HS3ST4: variants seen among roughly 807,000 people sequenced by gnomAD.
HS3ST4 encodes heparan sulfate-glucosamine 3-sulfotransferase 4, also known as heparan sulfate glucosamine 3-O-sulfotransferase 4.
In HS3ST4, 17 loss-of-function variants were observed where a neutral mutation model predicts 29.2. The observed-to-expected ratio is 0.58, with a 90% confidence interval of 0.40 to 0.87. The LOEUF is 0.87. HS3ST4 is among the 40% of genes least tolerant of loss of function. The pLI is 0.00. For missense variants in HS3ST4, 627 were observed against 634.5 expected (o/e 0.99, Z 0.13); for synonymous variants, 314 against 285.7 (o/e 1.10, Z -1.00).
intron 1 of HS3ST4, among the ~76,000 whole-genome samples, chr16:26,113,214 A>G (rs116405942): frequency 0.012 from 1,875 of 152,294 alleles, 37 homozygotes; most frequent in African/African-American, 0.042. Context: ...ATTAAACAAT[A>G]TGTTGAGAAA....
chr16:25,883,042 T>A (rs1005025358), intron 1 of HS3ST4, among the ~76,000 whole-genome samples: 1 of 152,092 alleles, frequency 6.6e-6, no homozygotes, highest in Non-Finnish European at 1.5e-5. Context: ...CTCTCTGTAT[T>A]TTTATTATTA....
At chr16:25,894,805 G>A (rs1968043530) in intron 1 of HS3ST4, among the ~76,000 whole-genome samples, 1 of 152,034 alleles carries the variant, frequency 6.6e-6, no homozygotes, top group African/African-American at 2.4e-5. Flanking sequence ...CGTGCCTGGT[G>A]GCCTCTTTTT....
In HS3ST4 at chr16:26,043,326, C is replaced by T. The variant is rs911571409; in HGVS notation, c.735-92286C>T. Among the ~76,000 whole-genome samples the T allele has an allele frequency of 1.5e-4, 23 of 152,162 alleles. No homozygotes were observed. In the East Asian group the frequency reaches 1.5e-3, roughly 10 times the overall value. On this transcript the variant is annotated intron_variant, in intron 1 of 1. Transcript: ENST00000331351. The stretch of plus-strand genomic sequence containing the variant: ...GTAGAAGAATCTGAACCCTTTCATG[C>T]GGGAGGATTGCATGGATGATGAAAT...
At chr16:26,105,210 C>G (rs1567313266) in intron 1 of HS3ST4, among the ~76,000 whole-genome samples, 1 of 152,112 alleles carries the variant, frequency 6.6e-6, no homozygotes, top group Non-Finnish European at 1.5e-5. Flanking sequence ...ATGAATGCAA[C>G]TGGAAACCAT....
chr16:25,873,642 ATCCATCCATCCG>A (rs1967792735), intron 1 of HS3ST4, among the ~76,000 whole-genome samples: 1 of 66,894 alleles, frequency 1.5e-5, no homozygotes, highest in South Asian at 6.9e-4. Context: ...CCATTCATCC[ATCCATCCATCCG>A]TCCGTCCATC....
chr16:26,117,282 C>A (rs1899213603), intron 1 of HS3ST4, among the ~76,000 whole-genome samples: 1 of 152,168 alleles, frequency 6.6e-6, no homozygotes, highest in Non-Finnish European at 1.5e-5. Context: ...ATAAATGAAC[C>A]AGCACACTCA....
In HS3ST4 at chr16:25,894,212, T is replaced by G. The variant is rs78283386; in HGVS notation, c.734+201061T>G. On this transcript the variant is annotated intron_variant, in intron 1 of 1. Coordinates refer to ENST00000331351, the MANE Select transcript of HS3ST4 (RefSeq NM_006040.3). ...AACTTCATCAGATTTCCAGATGCTG[T>G]GTTCTGTGAAGGGGGCAGGGAGGGT... Among the ~76,000 whole-genome samples, 6 of 152,218 alleles carry G rather than the reference T, an allele frequency of 3.9e-5. No individual in the cohort carries two copies. In the East Asian group the frequency reaches 1.2e-3, roughly 29 times the overall value.
chr16:25,718,992 G>T (rs369674947), intron 1 of HS3ST4, among the ~76,000 whole-genome samples: 1 of 152,180 alleles, frequency 6.6e-6, no homozygotes, highest in South Asian at 2.1e-4. Flanking sequence ...GGAAGTAAGG[G>T]TTTTAAAAGG....
Position 26,115,707 on chromosome 16 carries a change from A to G in HS3ST4, c.735-19905A>G, listed in dbSNP as rs547992528. On this transcript the variant is annotated intron_variant, in intron 1 of 1. Coordinates refer to ENST00000331351, the MANE Select transcript of HS3ST4 (RefSeq NM_006040.3). ...GAAGGAGCCTGTGCCTCAAGGCAGC[A>G]TATCAAATATATGCTGAGCTCTGGA... Among the ~76,000 whole-genome samples, 18 of 152,280 alleles carry G rather than the reference A, an allele frequency of 1.2e-4. No homozygotes were observed. In the South Asian group the frequency reaches 3.7e-3, roughly 32 times the overall value.
At chr16:25,791,566 A>T (rs973966147) in intron 1 of HS3ST4, among the ~76,000 whole-genome samples, 1 of 152,100 alleles carries the variant, frequency 6.6e-6, no homozygotes. Context: ...TTCATTTATT[A>T]AAGTGTCTTT....
rs534047114 is a variant in HS3ST4 at position 25,823,426 on chromosome 16, G to T, written c.734+130275G>T. Among the ~76,000 whole-genome samples, 14 of 152,288 alleles carry T rather than the reference G, an allele frequency of 9.2e-5. No homozygotes were observed. In the South Asian group the frequency reaches 2.9e-3, roughly 32 times the overall value. On this transcript the variant is annotated intron_variant, in intron 1 of 1. Coordinates refer to ENST00000331351, the MANE Select transcript of HS3ST4 (RefSeq NM_006040.3). ...GAAGCACCCCCAGGTAAAAGGAATTGCAGGGATGAGGTATGTAGTTCATTA... is the reference window on the plus strand; with the variant it reads ...GAAGCACCCCCAGGTAAAAGGAATTTCAGGGATGAGGTATGTAGTTCATTA...
chr16:26,063,451 C>T (rs555605262), intron 1 of HS3ST4, among the ~76,000 whole-genome samples: 36 of 151,086 alleles, frequency 2.4e-4, no homozygotes, highest in African/African-American at 8.5e-4. Context: ...CTTTGGGAGG[C>T]TGAGGTGTTT....
chr16:25,838,846 C>G (rs996859893), intron 1 of HS3ST4, among the ~76,000 whole-genome samples: 3 of 152,268 alleles, frequency 2.0e-5, no homozygotes, highest in African/African-American at 2.4e-5. Context: ...TCACTAATCC[C>G]GATGAGATGG....
At chr16:25,829,467 C>T (rs538124624) in intron 1 of HS3ST4, among the ~76,000 whole-genome samples, 2 of 152,272 alleles carry the variant, frequency 1.3e-5, no homozygotes, top group African/African-American at 4.8e-5. Context: ...AGGTTTGTTA[C>T]GTAGGTATAC....
intron 1 of HS3ST4, among the ~76,000 whole-genome samples, chr16:25,852,195 C>T (rs1156563790): frequency 6.6e-6 from 1 of 152,190 alleles, no homozygotes; most frequent in Non-Finnish European, 1.5e-5. Context: ...CTTAGTTTTA[C>T]TTGTTTCTCT....
chr16:25,826,088 AG>A (rs1247252367), intron 1 of HS3ST4: 1 of 152,216 alleles, frequency 6.6e-6, no homozygotes, highest in East Asian at 1.9e-4. Flanking sequence ...GACAAACTTG[AG>A]GTGAACTTAT....
At chr16:26,106,134 C>T (rs1899053199) in intron 1 of HS3ST4, among the ~76,000 whole-genome samples, 1 of 152,212 alleles carries the variant, frequency 6.6e-6, no homozygotes, top group Non-Finnish European at 1.5e-5. Context: ...CAATTTCCTA[C>T]CTCTTCCAAG....
rs1182942246 is a variant in HS3ST4 at position 25,852,589 on chromosome 16, G to A, written c.734+159438G>A. On this transcript the variant is annotated intron_variant, in intron 1 of 1. Transcript: ENST00000331351. ...CAATCTTTTTTTTTTTCTTTTAAAA[G>A]CTCTTTATAAGAGCTCTCGATACAT... is the stretch of plus-strand genomic sequence containing the variant. Among the ~76,000 whole-genome samples, 4 of 148,152 alleles carry A rather than the reference G, an allele frequency of 2.7e-5. No homozygotes were observed. In the Admixed American group the frequency reaches 2.7e-4, roughly 10 times the overall value.
intron 1 of HS3ST4, among the ~76,000 whole-genome samples, chr16:25,705,957 G>C (rs1368764509): frequency 6.6e-6 from 1 of 152,146 alleles, no homozygotes; most frequent in East Asian, 1.9e-4. Context: ...CCAGGTTATT[G>C]GTTTCCTGGA....
Sources: gnomAD v4.1 joint callset for allele counts (sites outside exome capture counted in the v4.1 genomes callset) on GRCh38, gnomAD v4.1.1 for gene constraint, MANE v1.5 for transcripts, NCBI Gene and HGNC (gene_info 2026-07-23, HGNC 2026-07-21) for gene names.